The following COL4A5 variants were observed in gnomAD, a reference collection of about 807,000 sequenced individuals.
COL4A5 encodes collagen alpha-5(IV) chain.
A neutral mutation model predicts 130.2 loss-of-function variants in COL4A5; 26 were observed. The observed-to-expected ratio is 0.20, with a 90% CI of 0.15 to 0.28. The LOEUF (loss-of-function observed/expected upper bound fraction) is 0.28, where lower values mean the gene tolerates loss of function less well. Among genes scored for constraint, COL4A5 ranks in the 10% least tolerant of loss-of-function variants. The pLI is 1.00. For synonymous variants in COL4A5, 496 were observed against 439.6 expected (o/e 1.13, Z -1.60); for missense variants, 1,131 against 1,344.3 (o/e 0.84, Z 2.48).
chrX:108,578,333 A>T lies in COL4A5; in HGVS notation c.730A>T (p.Ile244Phe), dbSNP rs781741390. The T allele has an allele frequency of 5.0e-6, 6 of 1,211,148 alleles. No individual in the cohort carries two copies. Among genetic ancestry groups the T allele is most frequent in the Admixed American group, 2.2e-5 (1 of 46,059 alleles). The change falls in exon 13 of 53, where the codon ATC (isoleucine) becomes TTC (phenylalanine). Residue 244 changes from isoleucine (I) to phenylalanine (F), a missense_variant. Transcript: ENST00000328300. ...GGGCCCACCTGGGCCACCTGGGCAGATCAGTGAACAGAAAAGACCAATTGA... is the reference window on the plus strand; with the variant it reads ...GGGCCCACCTGGGCCACCTGGGCAGTTCAGTGAACAGAAAAGACCAATTGA... The part of the protein sequence containing the change: ...LQGPPGPPGQ[I>F]SEQKRPIDVE...
intron 16 of COL4A5, 64 bp downstream of exon 16, chrX:108,581,091 G>A (rs768520751): frequency 1.0e-6 from 1 of 989,249 alleles, no homozygotes; most frequent in South Asian, 1.9e-5. Context: ...TATAACATAA[G>A]GTGGCAGAGA....
intron 1 of COL4A5, among the ~76,000 whole-genome samples, chrX:108,498,370 C>T (rs2065051688): frequency 9.0e-6 from 1 of 111,426 alleles, no homozygotes; most frequent in African/African-American, 3.3e-5. Flanking sequence ...ATTAATACCA[C>T]ACTGTCTTGG....
At position 108,450,278 on chromosome X, in the gene COL4A5, G is replaced by C. The variant is rs149360387; in HGVS notation, c.81+10072G>C. ...ATGGAACGCTTTTTTGTTTGTTTTA[G>C]ATACAGGGTCTTGCTGTGTTGCCCC... is the stretch of plus-strand genomic sequence containing the variant. On this transcript the variant is annotated intron_variant, in intron 1 of 52. Coordinates refer to ENST00000328300, the MANE Select transcript of COL4A5 (RefSeq NM_033380.3). Among the ~76,000 whole-genome samples, 179 of 111,806 alleles carry C rather than the reference G, an allele frequency of 1.6e-3. No homozygotes were observed. The East Asian group carries it at 0.037, about 23-fold the overall frequency.
chrX:108,547,608 C>T (rs898196479), intron 2 of COL4A5, among the ~76,000 whole-genome samples: 1 of 111,952 alleles, frequency 8.9e-6, no homozygotes, highest in Non-Finnish European at 1.9e-5. Flanking sequence ...AAGCTCCATG[C>T]TGGGAGAACC....
chrX:108,580,668 T>C lies in COL4A5; in HGVS notation c.835-14T>C, dbSNP rs750855237. On this transcript the variant is annotated splice_polypyrimidine_tract_variant and intron_variant, in intron 14 of 52. Coordinates refer to ENST00000328300, the MANE Select transcript of COL4A5 (RefSeq NM_033380.3). The stretch of plus-strand genomic sequence containing the variant: ...ATCCCATGAACCATTGTGAAACTAT[T>C]TTTATGTGTACAGGGTCCCCCAGGT... The C allele has an allele frequency of 3.3e-6, 4 of 1,207,581 alleles. No individual in the cohort carries two copies. The African/African-American group carries it at 7.0e-5, about 21-fold the overall frequency.
chrX:108,634,213 CA>C (rs35480457), intron 36 of COL4A5, among the ~76,000 whole-genome samples: 1,184 of 66,141 alleles, frequency 0.018, 8 homozygotes, highest in Non-Finnish European at 0.027. Context: ...GAAAGTGCAA[CA>C]AAAAAAAAAA....
At chrX:108,484,161 T>G (rs1336281587) in intron 1 of COL4A5, among the ~76,000 whole-genome samples, 1 of 112,288 alleles carries the variant, frequency 8.9e-6, no homozygotes, top group Non-Finnish European at 1.9e-5. Flanking sequence ...GAATTTCTGC[T>G]TGATTCTTTT....
chrX:108,476,136 G>C (rs2064830628), intron 1 of COL4A5, among the ~76,000 whole-genome samples: 1 of 111,824 alleles, frequency 8.9e-6, no homozygotes. Flanking sequence ...AGTCTGCTAA[G>C]AGTTTTCATC....
chrX:108,476,545 C>A (rs1206678021), intron 1 of COL4A5, among the ~76,000 whole-genome samples: 2 of 68,533 alleles, frequency 2.9e-5, no homozygotes, highest in African/African-American at 1.1e-4. Context: ...TTTTTTTTTA[C>A]CTATTAACCA....
chrX:108,486,807 C>T (rs1429074835), intron 1 of COL4A5, among the ~76,000 whole-genome samples: 1 of 112,094 alleles, frequency 8.9e-6, no homozygotes, highest in Non-Finnish European at 1.9e-5. Context: ...TTTTCTTTAT[C>T]CACCCATTGA....
intron 1 of COL4A5, among the ~76,000 whole-genome samples, chrX:108,501,829 T>C (rs749090884): frequency 8.9e-6 from 1 of 112,444 alleles, no homozygotes; most frequent in Non-Finnish European, 1.9e-5. Context: ...CTACAGTTAT[T>C]GACTCTTTTT....
intron 4 of COL4A5, among the ~76,000 whole-genome samples, chrX:108,564,912 C>A (rs1317415295): frequency 9.0e-6 from 1 of 111,074 alleles, no homozygotes; most frequent in African/African-American, 3.3e-5. Flanking sequence ...GTGACTGATA[C>A]GGATAGGGTA....
intron 22 of COL4A5, 66 bp from the exon 23 acceptor site, chrX:108,596,932 A>T: frequency 9.5e-7 from 1 of 1,054,171 alleles, no homozygotes; most frequent in Non-Finnish European, 1.3e-6. Context: ...GAGCTTTGTC[A>T]GGAGTTCAAG....
intron 10 of COL4A5, among the ~76,000 whole-genome samples, chrX:108,577,372 CAAA>C (rs746311921): frequency 5.3e-4 from 16 of 29,916 alleles, no homozygotes; most frequent in African/African-American, 1.4e-3. Context: ...AACTCCTTCT[CAAA>C]AAAAAAAAAA....
intron 1 of COL4A5, among the ~76,000 whole-genome samples, chrX:108,447,643 C>A (rs1369317625): frequency 9.0e-6 from 1 of 111,477 alleles, no homozygotes; most frequent in Non-Finnish European, 1.9e-5. Flanking sequence ...ATAAGAGTGC[C>A]TGTGAGACAG....
chrX:108,531,044 C>T (rs1363905375), intron 1 of COL4A5, among the ~76,000 whole-genome samples: 3 of 105,326 alleles, frequency 2.8e-5, no homozygotes, highest in South Asian at 4.6e-4. Context: ...AAATGATGAG[C>T]TCATGTCCTT....
chrX:108,491,489 C>CT lies in COL4A5; in HGVS notation c.82-48250dup, dbSNP rs1443163066. On this transcript the variant is annotated intron_variant, in intron 1 of 52. Transcript: ENST00000328300. The stretch of plus-strand genomic sequence containing the variant: ...AGAGTAGGGAACCCTCAAAATTTAT[C>CT]TTTTTTTACAATTGCACTAAATAAA... Among the ~76,000 whole-genome samples the CT allele has an allele frequency of 2.7e-5, 3 of 111,878 alleles. No homozygotes were observed. In the East Asian group the frequency reaches 8.3e-4, roughly 31 times the overall value.
intron 1 of COL4A5, among the ~76,000 whole-genome samples, chrX:108,450,812 A>G (rs2064502327): frequency 9.0e-6 from 1 of 111,069 alleles, no homozygotes. Flanking sequence ...ATGTAATTGA[A>G]TAAAAAAAGC....
In COL4A5 at chrX:108,439,958, C is replaced by CT. The variant is rs1173562255; in HGVS notation, c.-158dup. 6.8e-3 allele frequency: 2,510 copies of CT among 370,068 alleles called. No homozygotes were observed. Among genetic ancestry groups the CT allele is most frequent in the East Asian group, 7.8e-3 (166 of 21,219 alleles). The allele number at this position is 370,068 out of a possible 1,213,427, so 30.5% of individuals were successfully genotyped here. A position where few individuals can be genotyped will look rare whatever the true frequency, so the allele number is the denominator to read the frequency against. ...GGAAGAGTAGCTCCTTCTTCTTCTT[C>CT]TTTTTTTTTTCTTCCACTCTTAAAA... On this transcript the variant is annotated 5_prime_UTR_variant, in exon 1 of 53. Coordinates refer to ENST00000328300, the MANE Select transcript of COL4A5 (RefSeq NM_033380.3).
Sources: gnomAD v4.1 joint callset for allele counts (sites outside exome capture counted in the v4.1 genomes callset) on GRCh38, gnomAD v4.1.1 for gene constraint, MANE v1.5 for transcripts, NCBI Gene and HGNC (gene_info 2026-07-23, HGNC 2026-07-21) for gene names.